Variants in TENM2 observed in about 807,000 individuals in gnomAD.
TENM2 encodes teneurin-2.
A neutral mutation model predicts 245.2 loss-of-function variants in TENM2; 52 were observed. That is an observed-to-expected ratio of 0.21 (90% CI 0.17 to 0.27). The LOEUF is 0.27. TENM2 is among the 10% of genes least tolerant of loss of function. The pLI, the probability that TENM2 is intolerant of heterozygous loss-of-function variation, is 1.00. For missense variants in TENM2, 3,046 were observed against 3,666.8 expected, an observed-to-expected ratio of 0.83 and a Z score of 4.37; for synonymous variants, 1,363 against 1,438.9, an observed-to-expected ratio of 0.95 and a Z score of 1.19.
rs73801484 is a variant in TENM2 at position 167,999,800 on chromosome 5, G to A, written c.1186+6618G>A. Among the ~76,000 whole-genome samples the A allele has an allele frequency of 1.6e-3, 245 of 152,300 alleles. 1 individual carries two copies. The highest frequency in any genetic ancestry group is 5.5e-3 in the African/African-American group (230 of 41,566). On this transcript the variant is annotated intron_variant, in intron 5 of 28. Coordinates refer to ENST00000518659, the Ensembl canonical transcript of TENM2. The stretch of plus-strand genomic sequence containing the variant: ...TTCTCACCCTTGTGGGCAGACGCTG[G>A]TGATGAGAGCCAGGAAACAGGTTCT...
intron 13 of TENM2, among the ~76,000 whole-genome samples, chr5:168,169,602 G>A (rs1004268685): frequency 2.6e-5 from 4 of 152,154 alleles, no homozygotes; most frequent in Non-Finnish European, 5.9e-5. Flanking sequence ...ATGCTCTTCC[G>A]GCATTTATCT....
chr5:167,936,619 G>A (rs1778742202), intron 3 of TENM2, among the ~76,000 whole-genome samples: 1 of 152,184 alleles, frequency 6.6e-6, no homozygotes, highest in African/African-American at 2.4e-5. Flanking sequence ...AGCATTCAGC[G>A]TGATGTTTAA....
chr5:167,063,316 G>A, the TENM2 span, among the ~76,000 whole-genome samples: 2 of 152,120 alleles, frequency 1.3e-5, no homozygotes, highest in Non-Finnish European at 2.9e-5. Flanking sequence ...CCAAAGCCAA[G>A]CTGCTAAATT....
intron 1 of TENM2, among the ~76,000 whole-genome samples, chr5:167,322,663 G>C (rs1581742246): frequency 6.6e-6 from 1 of 151,870 alleles, no homozygotes; most frequent in East Asian, 1.9e-4. Context: ...CTGTCCAAAA[G>C]AAAAATAGGA....
intron 19 of TENM2, among the ~76,000 whole-genome samples, chr5:168,207,155 G>T (rs761487925): frequency 6.6e-6 from 1 of 152,176 alleles, no homozygotes; most frequent in African/African-American, 2.4e-5. Context: ...CTCCATGTAA[G>T]TCTTTAGGGC....
the TENM2 span, among the ~76,000 whole-genome samples, chr5:167,103,131 G>C: frequency 6.6e-6 from 1 of 152,212 alleles, no homozygotes; most frequent in Non-Finnish European, 1.5e-5. Context: ...AGAAGTCAAA[G>C]ACCTTGTTCA....
intron 2 of TENM2, among the ~76,000 whole-genome samples, chr5:167,745,221 T>C (rs956709937): frequency 6.6e-6 from 1 of 152,230 alleles, no homozygotes; most frequent in Admixed American, 6.5e-5. Flanking sequence ...TGGCTACCCC[T>C]GATGGAGGCA....
exon 14 of TENM2, chr5:168,190,347 G>A: frequency 6.2e-7 from 1 of 1,613,448 alleles, no homozygotes; most frequent in Non-Finnish European, 8.5e-7. Context: ...ATGGCCTGGT[G>A]GATTGTTTGG....
rs941437664 is a variant in TENM2 at position 167,601,893 on chromosome 5, C to T, written c.502+226420C>T. Among the ~76,000 whole-genome samples, 6 of 151,258 alleles carry T rather than the reference C, an allele frequency of 4.0e-5. No individual in the cohort carries two copies. In the East Asian group the frequency reaches 7.8e-4, roughly 20 times the overall value. Reference sequence around the variant, plus strand: ...TTTCTAATTCTCATTTCCTAGAGTACATCTATTGCTTAATAATGGGAAAAG... The same window carrying T: ...TTTCTAATTCTCATTTCCTAGAGTATATCTATTGCTTAATAATGGGAAAAG... On this transcript the variant is annotated intron_variant, in intron 2 of 28. Transcript: ENST00000518659.
chr5:167,466,745 T>G (rs1766678394), intron 2 of TENM2, among the ~76,000 whole-genome samples: 2 of 152,206 alleles, frequency 1.3e-5, no homozygotes, highest in South Asian at 4.1e-4. Flanking sequence ...GAACATAAAT[T>G]ACTTATTCAA....
intron 2 of TENM2, among the ~76,000 whole-genome samples, chr5:167,678,072 G>A (rs1756454612): frequency 6.6e-6 from 1 of 152,000 alleles, no homozygotes; most frequent in African/African-American, 2.4e-5. Context: ...AGTAGTCTAT[G>A]ACTGTTTCTG....
intron 4 of TENM2, among the ~76,000 whole-genome samples, 188 bp downstream of exon 6, chr5:167,953,010 T>TC (rs1196922809): frequency 2.0e-5 from 3 of 152,202 alleles, no homozygotes; most frequent in Non-Finnish European, 2.9e-5. Flanking sequence ...AGGTATTTCT[T>TC]CGTTCACATG....
chr5:167,411,799 G>A (rs575717496), intron 2 of TENM2, among the ~76,000 whole-genome samples: 6 of 152,102 alleles, frequency 3.9e-5, no homozygotes, highest in Admixed American at 1.3e-4. Flanking sequence ...CATCATCAAT[G>A]TATCGAATGC....
chr5:167,251,786 G>T, the TENM2 span, among the ~76,000 whole-genome samples: 1 of 152,152 alleles, frequency 6.6e-6, no homozygotes, highest in Non-Finnish European at 1.5e-5. Context: ...TGCATTTAGA[G>T]ATTTTGCTTT....
At chr5:167,445,180 G>A (rs926640427) in intron 2 of TENM2, among the ~76,000 whole-genome samples, 2 of 151,754 alleles carry the variant, frequency 1.3e-5, no homozygotes, top group Non-Finnish European at 2.9e-5. Context: ...CATTTAATGT[G>A]TAAATAAATA....
At chr5:167,980,904 G>T (rs1782786739) in intron 4 of TENM2, among the ~76,000 whole-genome samples, 1 of 152,148 alleles carries the variant, frequency 6.6e-6, no homozygotes, top group African/African-American at 2.4e-5. Flanking sequence ...TAGATGGCAT[G>T]GTGCCCACCC....
chr5:167,551,613 C>A (rs987936722), intron 2 of TENM2, among the ~76,000 whole-genome samples: 2 of 152,090 alleles, frequency 1.3e-5, no homozygotes, highest in African/African-American at 2.4e-5. Context: ...TACATACATA[C>A]ACACACACAT....
the TENM2 span, among the ~76,000 whole-genome samples, chr5:167,036,029 C>A: frequency 6.6e-6 from 1 of 152,210 alleles, no homozygotes; most frequent in African/African-American, 2.4e-5. Flanking sequence ...AGGCATGAGC[C>A]ACTGCATCTG....
At chr5:167,928,462 G>A (rs146943096) in intron 3 of TENM2, among the ~76,000 whole-genome samples, 1 of 152,280 alleles carries the variant, frequency 6.6e-6, no homozygotes, top group African/African-American at 2.4e-5. Context: ...AGATTGTTAG[G>A]CAGATAGCTA....
Sources: allele counts gnomAD v4.1 joint callset (sites outside exome capture counted in the v4.1 genomes callset), GRCh38; gene constraint gnomAD v4.1.1; transcripts MANE v1.5; gene names NCBI Gene and HGNC (gene_info 2026-07-23, HGNC 2026-07-21).